The following SEPTIN5 variants were observed in gnomAD, a reference collection of about 807,000 sequenced individuals.
The protein encoded by SEPTIN5 is septin-5.
A neutral mutation model predicts 51.2 loss-of-function variants in SEPTIN5; 16 were observed. The observed-to-expected ratio is 0.31, with a 90% confidence interval of 0.21 to 0.47. SEPTIN5 has a LOEUF of 0.47. Among genes scored for constraint, SEPTIN5 ranks in the 20% least tolerant of loss-of-function variants. The probability of loss-of-function intolerance (pLI) is 0.99; values close to 1 mark genes in which losing one functional copy is unlikely to be tolerated. For missense variants in SEPTIN5, 376 were observed against 500.3 expected, an observed-to-expected ratio of 0.75 and a Z score of 2.37; for synonymous variants, 208 against 191.2, an observed-to-expected ratio of 1.09 and a Z score of -0.72.
rs1936045838 is a variant in SEPTIN5, at chr22:19,721,954, C to T, written c.947C>T (p.Thr316Ile). Residue 316 changes from threonine (T) to isoleucine (I), a missense_variant, in exon 10 of 12, where the codon ACC becomes ATC. By Grantham distance (89) the Thr-to-Ile change is moderately conservative. Around this residue, in one of 2 missense-constraint regions of SEPTIN5, gnomAD observed 89 missense variants for 83.3 expected, o/e 1.07. Coordinates refer to ENST00000455784, the MANE Select transcript of SEPTIN5 (RefSeq NM_002688.6). ...CGCGCGCACTGCATCCAGCAGATGACCAGGTGCGCGCCCCAGCCGCGAGCC... is the reference window on the plus strand; with the variant it reads ...CGCGCGCACTGCATCCAGCAGATGATCAGGTGCGCGCCCCAGCCGCGAGCC... ...NYRAHCIQQMTSKLTQDSRME... is the reference protein window; with the variant it reads ...NYRAHCIQQMISKLTQDSRME... The T allele has an allele frequency of 6.2e-7, 1 of 1,606,116 alleles. No individual in the cohort carries two copies. Among genetic ancestry groups the T allele is most frequent in the African/African-American group, 1.3e-5 (1 of 74,838 alleles).
intron 9 of SEPTIN5, 38 bp downstream of exon 9, chr22:19,721,774 A>G (rs1056424321): frequency 6.2e-7 from 1 of 1,600,914 alleles, no homozygotes; most frequent in African/African-American, 1.3e-5. Flanking sequence ...TGGTGGGGGA[A>G]GGCTGTCCTG....
chr22:19,720,684 C>A lies in SEPTIN5; in HGVS notation c.615+18C>A, dbSNP rs747486041. On this transcript the variant is annotated intron_variant, in intron 7 of 11. Transcript: ENST00000455784. ...AGGAGCGGGTGAGCCTGCCGTCGCACAGGGGCCTGGCCAGGGCCCTGGGGC... is the reference window on the plus strand; with the variant it reads ...AGGAGCGGGTGAGCCTGCCGTCGCAAAGGGGCCTGGCCAGGGCCCTGGGGC... 1 of 1,612,776 alleles carries A rather than the reference C, an allele frequency of 6.2e-7. No individual in the cohort carries two copies. The highest frequency in any genetic ancestry group is 1.3e-5 in the African/African-American group (1 of 75,058).
In SEPTIN5 at chr22:19,720,500, A is replaced by T. The variant is rs1369051052; in HGVS notation, c.497+46A>T. On this transcript the variant is annotated intron_variant, in intron 6 of 11. Coordinates refer to ENST00000455784, the MANE Select transcript of SEPTIN5 (RefSeq NM_002688.6). Reference sequence around the variant, plus strand: ...CAGGCTCGGGAGTGCAGCCCCTACAATATGGCCCCCTGGCTGTGCCTATGC... The same window carrying T: ...CAGGCTCGGGAGTGCAGCCCCTACATTATGGCCCCCTGGCTGTGCCTATGC... 3 of 1,613,324 alleles carry T rather than the reference A, an allele frequency of 1.9e-6. No homozygotes were observed. In the East Asian group the frequency reaches 6.7e-5, roughly 36 times the overall value.
intron 2 of SEPTIN5, chr22:19,717,324 T>G (rs1408659564): frequency 2.1e-6 from 1 of 470,662 alleles, no homozygotes; most frequent in East Asian, 6.9e-5. Flanking sequence ...ACTGGGGTCA[T>G]GGAGGTGGGT....
chr22:19,714,722 C>G lies in SEPTIN5; in HGVS notation c.44-59C>G. 1 of 1,555,580 alleles carries G rather than the reference C, an allele frequency of 6.4e-7. No individual in the cohort carries two copies. ...CGTGTCTCTCCGTCTCTCCCCCGCCCGCCGGCCCGGACCCGCTCGGAACCG... is the reference window on the plus strand; with the variant it reads ...CGTGTCTCTCCGTCTCTCCCCCGCCGGCCGGCCCGGACCCGCTCGGAACCG... On this transcript the variant is annotated intron_variant, in intron 1 of 11. Coordinates refer to ENST00000455784, the MANE Select transcript of SEPTIN5 (RefSeq NM_002688.6). The surrounding 1 kb of genome is among the most constrained non-coding windows in gnomAD (Gnocchi z 5.2).
At chr22:19,718,437 G>A (rs1393348058) in intron 2 of SEPTIN5, 18 of 1,087,954 alleles carry the variant, frequency 1.7e-5, no homozygotes, top group Non-Finnish European at 2.0e-5. Flanking sequence ...CGCTCCGCGG[G>A]CGCCTGCGAC....
intron 2 of SEPTIN5, among the ~76,000 whole-genome samples, chr22:19,715,221 C>A (rs931196207): frequency 6.6e-6 from 1 of 152,248 alleles, no homozygotes; most frequent in African/African-American, 2.4e-5. Flanking sequence ...GGTCACCACC[C>A]ACCTCCCCTG....
chr22:19,715,870 C>T (rs1935904893), intron 2 of SEPTIN5, among the ~76,000 whole-genome samples: 1 of 152,192 alleles, frequency 6.6e-6, no homozygotes, highest in Non-Finnish European at 1.5e-5. Flanking sequence ...GCCTCCCCAT[C>T]ACAGCAGGTC....
chr22:19,717,177 T>C lies in SEPTIN5; in HGVS notation c.54+2386T>C, dbSNP rs1935922460. ...CCAGGAGAGCCTAAGGGAGGGCTGG[T>C]GGCGGGTGGGGTGGGGTGGGGTTGG... On this transcript the variant is annotated intron_variant, in intron 2 of 11. Transcript: ENST00000455784. 2.0e-5 allele frequency: 4 copies of C among 204,056 alleles called. No individual in the cohort carries two copies. The African/African-American group carries it at 6.1e-4, about 31-fold the overall frequency. The allele number at this position is 204,056 out of a possible 1,614,324, so 12.6% of individuals were successfully genotyped here. A position where few individuals can be genotyped will look rare whatever the true frequency, so the allele number is the denominator to read the frequency against.
Position 19,722,315 on chromosome 22 carries a change from G to T in SEPTIN5, c.1029G>T (p.Lys343Asn), listed in dbSNP as rs369063787. ...CCACCCCGGACGCCGAGACTGAGAAGCTTATCAGGATGAAGGATGAGGAAG... is the reference window on the plus strand; with the variant it reads ...CCACCCCGGACGCCGAGACTGAGAATCTTATCAGGATGAAGGATGAGGAAG... The part of the protein sequence containing the change: ...PLPTPDAETE[K>N]LIRMKDEELR... The change falls in exon 11 of 12, where the codon AAG (lysine) becomes AAT (asparagine). Residue 343 changes from lysine (K) to asparagine (N), a missense_variant. Coordinates refer to ENST00000455784, the MANE Select transcript of SEPTIN5 (RefSeq NM_002688.6). 1 of 1,611,222 alleles carries T rather than the reference G, an allele frequency of 6.2e-7. No homozygotes were observed. The highest frequency in any genetic ancestry group is 8.5e-7 in the Non-Finnish European group (1 of 1,179,278).
chr22:19,721,567 A>ACATGCC, intron 8 of SEPTIN5, 73 bp from the exon 9 acceptor site: 1 of 1,529,444 alleles, frequency 6.5e-7, no homozygotes. Context: ...CCCGGGAGTT[A>ACATGCC]CATGCCCGTT....
chr22:19,720,916 G>A (rs1299040815), intron 8 of SEPTIN5, 47 bp downstream of exon 8: 3 of 1,530,134 alleles, frequency 2.0e-6, no homozygotes, highest in Non-Finnish European at 2.7e-6. Context: ...CTGGTGAGGG[G>A]CAGAACCAGA....
chr22:19,714,767 C>T lies in SEPTIN5; in HGVS notation c.44-14C>T, dbSNP rs2145783966. The T allele has an allele frequency of 1.3e-6, 2 of 1,593,316 alleles. No individual in the cohort carries two copies. The highest frequency in any genetic ancestry group is 1.7e-5 in the Admixed American group (1 of 59,492). The stretch of plus-strand genomic sequence containing the variant: ...GAACCGGACCCGGACTCGACCCCGA[C>T]CCCGACCCCGCAGAGGACAAGCAGG... On this transcript the variant is annotated splice_polypyrimidine_tract_variant and intron_variant, in intron 1 of 11. Coordinates refer to ENST00000455784, the MANE Select transcript of SEPTIN5 (RefSeq NM_002688.6). This position sits in a 1 kb window ranked among gnomAD's most constrained non-coding sequence, Gnocchi z 5.2.
At chr22:19,717,232 AG>A (rs960269787) in intron 2 of SEPTIN5, 21 of 463,226 alleles carry the variant, frequency 4.5e-5, no homozygotes, top group Admixed American at 3.3e-4. Flanking sequence ...TCTAATGTGC[AG>A]GGGCTTGGCC....
At position 19,722,254 on chromosome 22, in the gene SEPTIN5, G is replaced by A. The variant is rs1235593830; in HGVS notation, c.968G>A (p.Ser323Asn). 1 of 1,608,954 alleles carries A rather than the reference G, an allele frequency of 6.2e-7. No individual in the cohort carries two copies. The highest frequency in any genetic ancestry group is 8.5e-7 in the Non-Finnish European group (1 of 1,178,256). ...CCGCGCAGCAAACTGACCCAGGACAGCCGCATGGAGAGCCCCATCCCGATC... is the reference window on the plus strand; with the variant it reads ...CCGCGCAGCAAACTGACCCAGGACAACCGCATGGAGAGCCCCATCCCGATC... ...QQMTSKLTQD[S>N]RMESPIPILP... is the part of the protein sequence containing the mutation. The change falls in exon 11 of 12, where the codon AGC becomes AAC. Residue 323 changes from serine to asparagine, a missense_variant. By Grantham distance (46) the Ser-to-Asn change is conservative. This residue lies in a region of SEPTIN5 where 89 missense variants were observed against 83.3 expected (regional missense o/e 1.07). Coordinates refer to ENST00000455784, the MANE Select transcript of SEPTIN5 (RefSeq NM_002688.6).
rs778395228 is a variant in SEPTIN5, at chr22:19,714,828, G to T, written c.54+37G>T. The T allele has an allele frequency of 3.2e-6, 5 of 1,586,632 alleles. No individual in the cohort carries two copies. Among genetic ancestry groups the T allele is most frequent in the East Asian group, 4.6e-5 (2 of 43,460 alleles). ...GCGCCGCTCCCCCGCCGGGAGACCCGGCCGGCTGTCACCCATTGTGACACT... is the reference window on the plus strand; with the variant it reads ...GCGCCGCTCCCCCGCCGGGAGACCCTGCCGGCTGTCACCCATTGTGACACT... On this transcript the variant is annotated intron_variant, in intron 2 of 11. Transcript: ENST00000455784. This position sits in a 1 kb window ranked among gnomAD's most constrained non-coding sequence, Gnocchi z 5.2.
chr22:19,720,531 C>G lies in SEPTIN5; in HGVS notation c.498-18C>G, dbSNP rs756736977. 1.9e-6 allele frequency: 3 copies of G among 1,613,204 alleles called. No homozygotes were observed. Among genetic ancestry groups the G allele is most frequent in the Non-Finnish European group, 2.5e-6 (3 of 1,180,018 alleles). On this transcript the variant is annotated intron_variant, in intron 6 of 11. Transcript: ENST00000455784. ...CCCCCTGGCTGTGCCTATGCCCACC[C>G]TTGGCTGCTCTCGGCAGGCTGCGGC...
At position 19,714,696 on chromosome 22, in the gene SEPTIN5, C is replaced by T; in HGVS notation, c.43+65C>T. The stretch of plus-strand genomic sequence containing the variant: ...GTCCCCGCCGCCCGCGCGCCTCTCA[C>T]CGTGTCTCTCCGTCTCTCCCCCGCC... On this transcript the variant is annotated intron_variant, in intron 1 of 11. Transcript: ENST00000455784. The surrounding 1 kb of genome is among the most constrained non-coding windows in gnomAD (Gnocchi z 5.2). The T allele has an allele frequency of 6.5e-7, 1 of 1,530,924 alleles. No individual in the cohort carries two copies. Among genetic ancestry groups the T allele is most frequent in the Non-Finnish European group, 8.7e-7 (1 of 1,143,772 alleles). The allele number at this position is 1,530,924 out of a possible 1,614,324, so 94.8% of individuals were successfully genotyped here.
intron 2 of SEPTIN5, 147 bp from the exon 3 acceptor site, chr22:19,719,455 G>A: frequency 1.6e-6 from 1 of 637,480 alleles, no homozygotes; most frequent in Non-Finnish European, 2.7e-6. Context: ...TTTTGCCCAC[G>A]GGCCCTCCCC....
Sources: allele counts gnomAD v4.1 joint callset (sites outside exome capture counted in the v4.1 genomes callset), GRCh38; gene constraint gnomAD v4.1.1; regional missense constraint gnomAD v4.1.1; non-coding constraint Gnocchi (gnomAD v3.1); transcripts MANE v1.5; gene names NCBI Gene and HGNC (gene_info 2026-07-23, HGNC 2026-07-21).